Variants in NEGR1 observed in about 807,000 individuals in gnomAD.
NEGR1 encodes the protein neuronal growth regulator 1.
A neutral mutation model predicts 40.9 loss-of-function variants in NEGR1; 10 were observed. The ratio of observed to expected loss-of-function variants is 0.24; its 90% confidence interval spans 0.15 to 0.42. The LOEUF (loss-of-function observed/expected upper bound fraction) is 0.42, where lower values mean the gene tolerates loss of function less well. Among genes scored for constraint, NEGR1 ranks in the 10% least tolerant of loss-of-function variants. NEGR1 has a pLI of 1.00. For synonymous variants in NEGR1, 185 were observed against 166.8 expected, an observed-to-expected ratio of 1.11 and a Z score of -0.84; for missense variants, 352 against 438.9, an observed-to-expected ratio of 0.80 and a Z score of 1.77.
chr1:72,107,493 G>A (rs1269239844), intron 1 of NEGR1, among the ~76,000 whole-genome samples: 1 of 151,226 alleles, frequency 6.6e-6, no homozygotes, highest in Non-Finnish European at 1.5e-5. Flanking sequence ...TGTTTCTTTT[G>A]GCTGGATTTC....
rs1260070116 is a variant in NEGR1 at position 71,750,756 on chromosome 1, C to T, written c.535+25416G>A. Among the ~76,000 whole-genome samples the T allele has an allele frequency of 3.3e-5, 5 of 152,126 alleles. No homozygotes were observed. In the South Asian group the frequency reaches 1.0e-3, roughly 32 times the overall value. The stretch of plus-strand genomic sequence containing the variant: ...TTGGGTGGGGACACAGCCAAACCAT[C>T]TTATTGTGTATTACTTAATCATTTA... On this transcript the variant is annotated intron_variant, in intron 3 of 6. Coordinates refer to ENST00000357731, the MANE Select transcript of NEGR1 (RefSeq NM_173808.3).
rs979161332 is a variant in NEGR1, at chr1:71,820,422, G to C, written c.410-44125C>G. ...AGTGTACATGATAATGATTCCTCCA[G>C]TCCTTCCCTACAGGGATTATGGCCA... is the stretch of plus-strand genomic sequence containing the variant. On this transcript the variant is annotated intron_variant, in intron 2 of 6. Transcript: ENST00000357731. 7.2e-5 allele frequency among the ~76,000 whole-genome samples: 11 copies of C among 152,076 alleles called. No individual in the cohort carries two copies. In the South Asian group the frequency reaches 8.3e-4, roughly 11 times the overall value.
At chr1:71,598,229 A>T (rs1346395069) in intron 5 of NEGR1, among the ~76,000 whole-genome samples, 2 of 152,186 alleles carry the variant, frequency 1.3e-5, no homozygotes, top group Non-Finnish European at 1.5e-5. Context: ...TATTGTATCT[A>T]AGTTTGGAGA....
chr1:72,090,729 C>A (rs1442761058), intron 1 of NEGR1, among the ~76,000 whole-genome samples: 1 of 151,892 alleles, frequency 6.6e-6, no homozygotes, highest in Non-Finnish European at 1.5e-5. Context: ...TCTCGGCAGG[C>A]GTTAGGCCTA....
At chr1:71,473,137 A>G (rs563546791) in intron 6 of NEGR1, among the ~76,000 whole-genome samples, 2 of 152,258 alleles carry the variant, frequency 1.3e-5, no homozygotes, top group East Asian at 3.9e-4. Flanking sequence ...ACCTGATAAG[A>G]TAACAGTTGA....
intron 1 of NEGR1, among the ~76,000 whole-genome samples, chr1:72,072,779 G>T (rs992663357): frequency 2.0e-5 from 3 of 152,018 alleles, no homozygotes; most frequent in Admixed American, 2.0e-4. Flanking sequence ...AACTCCCTTT[G>T]TGTTGCTAAT....
At chr1:71,935,450 T>C (rs1397800390) in intron 1 of NEGR1, 139 bp from the exon 2 acceptor site, 1 of 635,340 alleles carries the variant, frequency 1.6e-6, no homozygotes, top group Non-Finnish European at 2.8e-6. Context: ...TCAGGAAACA[T>C]GAACATACTG....
chr1:71,479,769 CT>C (rs1389024268), intron 6 of NEGR1, among the ~76,000 whole-genome samples: 1 of 151,884 alleles, frequency 6.6e-6, no homozygotes, highest in Non-Finnish European at 1.5e-5. Flanking sequence ...AAAATCAGAG[CT>C]TCTGGTTTGT....
intron 2 of NEGR1, among the ~76,000 whole-genome samples, chr1:71,799,097 A>G (rs1657452730): frequency 6.6e-6 from 1 of 151,244 alleles, no homozygotes; most frequent in Admixed American, 6.6e-5. Flanking sequence ...CAGAACATGC[A>G]GGTTTATTAC....
At chr1:72,199,591 C>A (rs1653129248) in intron 1 of NEGR1, among the ~76,000 whole-genome samples, 1 of 151,944 alleles carries the variant, frequency 6.6e-6, no homozygotes, top group South Asian at 2.1e-4. Flanking sequence ...CTCTGGACCT[C>A]TTTTTGTGCA....
chr1:71,649,091 C>T (rs757935834), intron 4 of NEGR1, among the ~76,000 whole-genome samples: 6 of 151,936 alleles, frequency 3.9e-5, no homozygotes, highest in Non-Finnish European at 5.9e-5. Context: ...ATCCAAGAAG[C>T]ATGTGTAAAA....
intron 3 of NEGR1, among the ~76,000 whole-genome samples, chr1:71,769,045 C>T (rs1392139734): frequency 6.7e-6 from 1 of 149,790 alleles, no homozygotes; most frequent in East Asian, 2.0e-4. Flanking sequence ...GCCTACAGAA[C>T]TGTGATTAAC....
chr1:71,600,702 T>C (rs1476112837), intron 5 of NEGR1, among the ~76,000 whole-genome samples: 1 of 152,232 alleles, frequency 6.6e-6, no homozygotes, highest in Non-Finnish European at 1.5e-5. Flanking sequence ...CAGAGTGGAA[T>C]ACAGGGGCCA....
At position 72,131,498 on chromosome 1, in the gene NEGR1, T is replaced by A. The variant is rs1650248083; in HGVS notation, c.176+150821A>T. Among the ~76,000 whole-genome samples, 7 of 152,302 alleles carry A rather than the reference T, an allele frequency of 4.6e-5. No homozygotes were observed. In the South Asian group the frequency reaches 1.4e-3, roughly 32 times the overall value. ...GCATAATATTCTCACAAATATCTTATTCTCAAACAAAGCACTTGTGGATTT... is the reference window on the plus strand; with the variant it reads ...GCATAATATTCTCACAAATATCTTAATCTCAAACAAAGCACTTGTGGATTT... On this transcript the variant is annotated intron_variant, in intron 1 of 6. Coordinates refer to ENST00000357731, the MANE Select transcript of NEGR1 (RefSeq NM_173808.3).
chr1:71,758,980 A>G (rs1301399118), intron 3 of NEGR1, among the ~76,000 whole-genome samples: 1 of 152,236 alleles, frequency 6.6e-6, no homozygotes, highest in Non-Finnish European at 1.5e-5. Context: ...TTGTATTCAA[A>G]TTAACATCAT....
At chr1:72,164,402 T>G (rs1227767133) in intron 1 of NEGR1, among the ~76,000 whole-genome samples, 2 of 152,018 alleles carry the variant, frequency 1.3e-5, no homozygotes, top group Non-Finnish European at 1.5e-5. Flanking sequence ...TCTTCAACCT[T>G]AAGGTCAACC....
intron 2 of NEGR1, 91 bp from the exon 3 acceptor site, chr1:71,776,388 G>A (rs1656509657): frequency 1.4e-6 from 1 of 730,788 alleles, no homozygotes; most frequent in Non-Finnish European, 2.1e-6. Context: ...ATGCAAGAAA[G>A]GTATGAGGGT....
At chr1:71,881,729 T>A (rs533355132) in intron 2 of NEGR1, among the ~76,000 whole-genome samples, 1 of 152,090 alleles carries the variant, frequency 6.6e-6, no homozygotes, top group Admixed American at 6.6e-5. Flanking sequence ...CTTTCCCCTA[T>A]TGTAATCATG....
At chr1:72,251,577 T>G (rs932954542) in intron 1 of NEGR1, among the ~76,000 whole-genome samples, 2 of 152,192 alleles carry the variant, frequency 1.3e-5, no homozygotes, top group African/African-American at 4.8e-5. Flanking sequence ...TCCATGTACT[T>G]CATCTCTAGA....
Sources: gnomAD v4.1 joint callset for allele counts (sites outside exome capture counted in the v4.1 genomes callset) on GRCh38, gnomAD v4.1.1 for gene constraint, MANE v1.5 for transcripts, NCBI Gene and HGNC (gene_info 2026-07-23, HGNC 2026-07-21) for gene names.